The following TANK variants were observed in gnomAD, a reference collection of about 807,000 sequenced individuals.
The protein encoded by TANK is TRAF family member-associated NF-kappa-B activator.
A neutral mutation model predicts 43.6 loss-of-function variants in TANK; 15 were observed. That is an observed-to-expected ratio of 0.34 (90% CI 0.23 to 0.53). The LOEUF (loss-of-function observed/expected upper bound fraction) is 0.53, where lower values mean the gene tolerates loss of function less well. Ranked by LOEUF, TANK falls within the 20% of genes least tolerant of loss-of-function variation. The probability of loss-of-function intolerance (pLI) is 0.94; values close to 1 mark genes in which losing one functional copy is unlikely to be tolerated. For synonymous variants in TANK, 162 were observed against 178.2 expected, an observed-to-expected ratio of 0.91 and a Z score of 0.73; for missense variants, 417 against 498.6, an observed-to-expected ratio of 0.84 and a Z score of 1.56.
At chr2:161,228,873 TG>T (rs776515855) in intron 6 of TANK, among the ~76,000 whole-genome samples, 57 of 152,220 alleles carry the variant, frequency 3.7e-4, no homozygotes, top group Non-Finnish European at 7.2e-4. Flanking sequence ...TACAGTAACA[TG>T]TTGTATAGGT....
intron 4 of TANK, among the ~76,000 whole-genome samples, chr2:161,217,543 A>G (rs1415247252): frequency 6.6e-6 from 1 of 150,702 alleles, no homozygotes; most frequent in Non-Finnish European, 1.5e-5. Context: ...CTCTCCTCCA[A>G]TATATGCAAA....
chr2:161,214,658 A>G (rs1303886788), intron 4 of TANK, among the ~76,000 whole-genome samples: 1 of 152,150 alleles, frequency 6.6e-6, no homozygotes. Context: ...AAATGCAAAT[A>G]TTAATAATAT....
chr2:161,177,486 A>G (rs1558976150), intron 1 of TANK, among the ~76,000 whole-genome samples: 1 of 152,126 alleles, frequency 6.6e-6, no homozygotes, highest in Non-Finnish European at 1.5e-5. Context: ...GGCTAACCTC[A>G]TGCAAAAGAA....
chr2:161,179,780 G>C lies in TANK; in HGVS notation c.99+19G>C, dbSNP rs1248681829. 1 of 1,600,416 alleles carries C rather than the reference G, an allele frequency of 6.2e-7. No individual in the cohort carries two copies. Among genetic ancestry groups the C allele is most frequent in the Non-Finnish European group, 8.5e-7 (1 of 1,171,798 alleles). ...GCAAAAGGTGTGTGGTTCTGGTTTTGAAAGTTATTCTTTATCTTGGTACAT... is the reference window on the plus strand; with the variant it reads ...GCAAAAGGTGTGTGGTTCTGGTTTTCAAAGTTATTCTTTATCTTGGTACAT... On this transcript the variant is annotated intron_variant, in intron 2 of 7. Transcript: ENST00000392749.
intron 4 of TANK, among the ~76,000 whole-genome samples, chr2:161,209,358 A>G (rs1686781960): frequency 6.6e-6 from 1 of 152,232 alleles, no homozygotes; most frequent in Non-Finnish European, 1.5e-5. Context: ...CCATTTTCAG[A>G]CATAGTAACT....
At chr2:161,226,980 C>T (rs963127466) in intron 6 of TANK, 24 of 20,760 alleles carry the variant, frequency 1.2e-3, no homozygotes, top group Admixed American at 1.9e-3. Flanking sequence ...AAAATATTTC[C>T]CATTTTACTT....
chr2:161,160,542 AG>A, intron 1 of TANK, 56 bp downstream of exon 1: 1 of 1,253,854 alleles, frequency 8.0e-7, no homozygotes, highest in Non-Finnish European at 1.0e-6. Flanking sequence ...ACGACGTCGG[AG>A]AATTTGTATG....
chr2:161,185,602 T>C (rs1685621224), intron 2 of TANK, among the ~76,000 whole-genome samples: 1 of 150,762 alleles, frequency 6.6e-6, no homozygotes, highest in African/African-American at 2.4e-5. Context: ...CTCAGTAAAC[T>C]ATTGCAAGAA....
At chr2:161,180,073 G>A (rs945219992) in intron 2 of TANK, 4 of 1,026,576 alleles carry the variant, frequency 3.9e-6, no homozygotes, top group Non-Finnish European at 4.7e-6. Flanking sequence ...TATAAAAACA[G>A]TTTTATGACA....
chr2:161,149,749 T>C (rs1270110341), intron 1 of TANK, among the ~76,000 whole-genome samples: 1 of 151,974 alleles, frequency 6.6e-6, no homozygotes, highest in African/African-American at 2.4e-5. Context: ...TGTGGGTTTT[T>C]TTTTTTTTCC....
intron 1 of TANK, among the ~76,000 whole-genome samples, chr2:161,147,931 G>T (rs1273832903): frequency 6.6e-6 from 1 of 152,088 alleles, no homozygotes; most frequent in Non-Finnish European, 1.5e-5. Context: ...GATGGATAGG[G>T]TATTTGGTCT....
At chr2:161,234,496 T>G (rs1048440101) in intron 7 of TANK, among the ~76,000 whole-genome samples, 1 of 152,234 alleles carries the variant, frequency 6.6e-6, no homozygotes, top group African/African-American at 2.4e-5. Context: ...ATTATTAAGC[T>G]AAATGCTATT....
At chr2:161,226,788 G>C (rs1278885542) in intron 6 of TANK, among the ~76,000 whole-genome samples, 1 of 36,614 alleles carries the variant, frequency 2.7e-5, no homozygotes, top group East Asian at 1.3e-3. Flanking sequence ...GTACTGTTTG[G>C]TTCATAAAGG....
At chr2:161,157,776 C>T (rs751737245), upstream of TANK, among the ~76,000 whole-genome samples, 2 of 152,084 alleles carry the variant, frequency 1.3e-5, no homozygotes, top group Admixed American at 6.5e-5. Context: ...TTCTGCCTTC[C>T]GGGTTCAAGT....
chr2:161,172,157 A>G (rs747342529), intron 1 of TANK, among the ~76,000 whole-genome samples: 14 of 152,182 alleles, frequency 9.2e-5, no homozygotes, highest in Non-Finnish European at 5.9e-5. Context: ...AAAATAACAG[A>G]CACAAAATGT....
intron 1 of TANK, chr2:161,139,891 T>C: frequency 1.0e-6 from 1 of 985,198 alleles, no homozygotes; most frequent in Non-Finnish European, 1.2e-6. Context: ...TAGTTACAAC[T>C]GTGGTAAGCA....
At chr2:161,176,099 G>A (rs1685162682) in intron 1 of TANK, among the ~76,000 whole-genome samples, 1 of 152,148 alleles carries the variant, frequency 6.6e-6, no homozygotes, top group Admixed American at 6.6e-5. Flanking sequence ...ATTTAGGTTT[G>A]AGCATGTTTA....
At chr2:161,198,837 A>T (rs570198118) in intron 2 of TANK, among the ~76,000 whole-genome samples, 2 of 152,310 alleles carry the variant, frequency 1.3e-5, no homozygotes, top group South Asian at 4.1e-4. Context: ...TTAGATTGGA[A>T]ATCTGATCTG....
In TANK at chr2:161,144,293, G is replaced by A. The variant is rs187808788; in HGVS notation, c.-50+7230G>A. On this transcript the variant is annotated intron_variant, in intron 1 of 7. Transcript: ENST00000259075. Reference sequence around the variant, plus strand: ...CATTGAGTTTTTGAAGGGTTTTTTGGTGTCTCTATCTCCTTCAGTTCTGTT... The same window carrying A: ...CATTGAGTTTTTGAAGGGTTTTTTGATGTCTCTATCTCCTTCAGTTCTGTT... 2.0e-5 allele frequency among the ~76,000 whole-genome samples: 3 copies of A among 151,944 alleles called. No homozygotes were observed. In the East Asian group the frequency reaches 5.8e-4, roughly 29 times the overall value.
Sources: gnomAD v4.1 joint callset for allele counts (sites outside exome capture counted in the v4.1 genomes callset) on GRCh38, gnomAD v4.1.1 for gene constraint, MANE v1.5 for transcripts, NCBI Gene and HGNC (gene_info 2026-07-23, HGNC 2026-07-21) for gene names.